OTUD7B: variants seen among roughly 807,000 people sequenced by gnomAD.
The protein encoded by OTUD7B is OTU domain-containing protein 7B.
Under a neutral mutation model 82.2 loss-of-function variants are expected in OTUD7B, and 34 were observed. The ratio of observed to expected loss-of-function variants is 0.41; its 90% CI spans 0.31 to 0.55. The LOEUF (loss-of-function observed/expected upper bound fraction) is 0.55. OTUD7B is among the 20% of genes least tolerant of loss of function. OTUD7B has a pLI of 0.20. For missense variants in OTUD7B, 944 were observed against 1,062.1 expected (o/e 0.89, Z 1.55); for synonymous variants, 398 against 402.7 (o/e 0.99, Z 0.14).
At chr1:150,028,416 T>A in the OTUD7B span, among the ~76,000 whole-genome samples, 92 of 152,326 alleles carry the variant, frequency 6.0e-4, no homozygotes, top group East Asian at 0.013. Context: ...CCATTTTTTT[T>A]AATTGTGGTA....
At chr1:149,972,236 A>G (rs1240639727) in intron 2 of OTUD7B, among the ~76,000 whole-genome samples, 1 of 152,224 alleles carries the variant, frequency 6.6e-6, no homozygotes, top group East Asian at 1.9e-4. Context: ...AGTTGAAAGC[A>G]CTTAGAATAG....
At chr1:150,039,784 A>AT in the OTUD7B span, among the ~76,000 whole-genome samples, 1 of 152,060 alleles carries the variant, frequency 6.6e-6, no homozygotes, top group Non-Finnish European at 1.5e-5. Context: ...TATAAATGTA[A>AT]TTTTTTTCCT....
chr1:150,017,942 C>T, the OTUD7B span, among the ~76,000 whole-genome samples: 2 of 152,186 alleles, frequency 1.3e-5, no homozygotes, highest in South Asian at 4.1e-4. Flanking sequence ...ACTAGAATCT[C>T]TCACTGACGT....
At chr1:150,059,252 A>C in the OTUD7B span, among the ~76,000 whole-genome samples, 3 of 91,438 alleles carry the variant, frequency 3.3e-5, no homozygotes, top group Admixed American at 1.7e-4. Context: ...ACAGGGTTTC[A>C]CCATCTTGGC....
chr1:150,037,869 A>G, the OTUD7B span, among the ~76,000 whole-genome samples: 23,797 of 151,458 alleles, frequency 0.16, 2,037 homozygotes, highest in African/African-American at 0.19. Flanking sequence ...ATAAACTGGT[A>G]GCTTTGTTTG....
the OTUD7B span, among the ~76,000 whole-genome samples, chr1:150,026,459 G>T: frequency 6.6e-6 from 1 of 152,124 alleles, no homozygotes; most frequent in African/African-American, 2.4e-5. Context: ...ATTTTGAAGG[G>T]ACTTGCCTAT....
chr1:150,039,427 G>A, the OTUD7B span, among the ~76,000 whole-genome samples: 64 of 151,718 alleles, frequency 4.2e-4, 1 homozygote, highest in East Asian at 5.8e-4. Context: ...ACCCAGGCTG[G>A]AGTGCAGTGG....
chr1:149,955,963 A>G (rs1648636530), intron 7 of OTUD7B, among the ~76,000 whole-genome samples: 1 of 152,028 alleles, frequency 6.6e-6, no homozygotes, highest in African/African-American at 2.4e-5. Context: ...AATATCGCAC[A>G]CTGATGGGTC....
At chr1:149,949,234 G>T in intron 9 of OTUD7B, 151 bp from the exon 10 acceptor site, 1 of 607,282 alleles carries the variant, frequency 1.6e-6, no homozygotes, top group South Asian at 2.2e-5. Context: ...AAAACTAATT[G>T]GCTAGTTTTC....
chr1:149,990,202 A>T (rs781865131), intron 1 of OTUD7B, among the ~76,000 whole-genome samples: 1 of 152,248 alleles, frequency 6.6e-6, no homozygotes, highest in Non-Finnish European at 1.5e-5. Flanking sequence ...CAGTTTACCC[A>T]GGTGGGTTAG....
At chr1:150,008,646 TCTTC>T (rs1301400498) in intron 1 of OTUD7B, among the ~76,000 whole-genome samples, 1 of 152,234 alleles carries the variant, frequency 6.6e-6, no homozygotes, top group Non-Finnish European at 1.5e-5. Context: ...TTTGGCACTA[TCTTC>T]CTTCCATCTT....
At position 149,949,069 on chromosome 1, in the gene OTUD7B, T is replaced by C. The variant is rs1647985506; in HGVS notation, c.1138A>G (p.Thr380Ala). The C allele has an allele frequency of 6.2e-7, 1 of 1,609,942 alleles. No homozygotes were observed. The change falls in exon 10 of 12, where the codon ACA becomes GCA. Residue 380 changes from threonine (T) to alanine (A), a missense_variant. This residue lies in a region of OTUD7B where 530 missense variants were observed against 625.6 expected (regional missense o/e 0.85). Coordinates refer to ENST00000581312, the MANE Select transcript of OTUD7B (RefSeq NM_020205.4). Reference protein sequence around the residue: ...NTKEQAVIPLTDSEYKLLPLH... With the variant: ...NTKEQAVIPLADSEYKLLPLH... Reference sequence around the variant, plus strand: ...GGCAGCAGCTTATACTCTGAATCTGTAAGTGGGATCACAGCTGGAGAGGAA... The same window carrying C: ...GGCAGCAGCTTATACTCTGAATCTGCAAGTGGGATCACAGCTGGAGAGGAA...
the OTUD7B span, among the ~76,000 whole-genome samples, chr1:150,049,630 T>TC: frequency 0.7 from 75,701 of 107,572 alleles, 27,060 homozygotes; most frequent in East Asian, 0.83. Flanking sequence ...TCTCTCTCTC[T>TC]TTCTTTTTTT....
In OTUD7B at chr1:149,971,109, A is replaced by G; in HGVS notation, c.228T>C (p.Thr76=). The part of the protein sequence containing the change: ...PEKGFSDREP[T]RPPRPILQRQ... Reference sequence around the variant, plus strand: ...GCTGGAGGATGGGTCGGGGAGGGCGAGTAGGCTCTCTGTCAGAAAACCCTT... The same window carrying G: ...GCTGGAGGATGGGTCGGGGAGGGCGGGTAGGCTCTCTGTCAGAAAACCCTT... The change falls in exon 3 of 12, where the codon ACT becomes ACC. Residue 76 remains threonine (T), a synonymous_variant. Transcript: ENST00000581312. The G allele has an allele frequency of 6.2e-7, 1 of 1,613,450 alleles. No individual in the cohort carries two copies. Among genetic ancestry groups the G allele is most frequent in the Non-Finnish European group, 8.5e-7 (1 of 1,179,484 alleles).
At chr1:150,025,583 T>A in the OTUD7B span, among the ~76,000 whole-genome samples, 1 of 152,182 alleles carries the variant, frequency 6.6e-6, no homozygotes, top group African/African-American at 2.4e-5. Context: ...CACTACAGAC[T>A]GACTTCTTCC....
intron 1 of OTUD7B, among the ~76,000 whole-genome samples, chr1:149,991,586 T>C (rs1651571392): frequency 6.6e-6 from 1 of 152,216 alleles, no homozygotes; most frequent in African/African-American, 2.4e-5. Context: ...AACTAGAACA[T>C]CAGAGATTAT....
chr1:150,062,865 C>G, the OTUD7B span, among the ~76,000 whole-genome samples: 2 of 151,648 alleles, frequency 1.3e-5, no homozygotes, highest in African/African-American at 4.8e-5. Flanking sequence ...CAGGCATGCA[C>G]CACCACGCCC....
chr1:150,026,795 G>A, the OTUD7B span, among the ~76,000 whole-genome samples: 2 of 152,148 alleles, frequency 1.3e-5, no homozygotes, highest in South Asian at 2.1e-4. Context: ...AGCTCTTGGT[G>A]CCAGTCATCC....
At chr1:150,022,668 G>T in the OTUD7B span, among the ~76,000 whole-genome samples, 1 of 152,130 alleles carries the variant, frequency 6.6e-6, no homozygotes, top group African/African-American at 2.4e-5. Context: ...ACATCACTAT[G>T]TCTCTAAAAC....
Sources: gnomAD v4.1 joint callset for allele counts (sites outside exome capture counted in the v4.1 genomes callset) on GRCh38, gnomAD v4.1.1 for gene constraint, gnomAD v4.1.1 regional missense constraint, MANE v1.5 for transcripts, NCBI Gene and HGNC (gene_info 2026-07-23, HGNC 2026-07-21) for gene names.